ADGRB3: variants seen among roughly 807,000 people sequenced by gnomAD.
ADGRB3 encodes the protein brain-specific angiogenesis inhibitor 3.
A neutral mutation model predicts 193.4 loss-of-function variants in ADGRB3; 37 were observed. That is an observed-to-expected ratio of 0.19 (90% CI 0.15 to 0.25). The LOEUF is 0.25. Ranked by LOEUF, ADGRB3 falls within the 10% of genes least tolerant of loss-of-function variation. The pLI, the probability that ADGRB3 is intolerant of heterozygous loss-of-function variation, is 1.00. For synonymous variants in ADGRB3, 690 were observed against 644.2 expected, an observed-to-expected ratio of 1.07 and a Z score of -1.08; for missense variants, 1,637 against 1,852.9, an observed-to-expected ratio of 0.88 and a Z score of 2.14.
intron 20 of ADGRB3, among the ~76,000 whole-genome samples, chr6:69,298,535 C>G (rs935244121): frequency 2.6e-5 from 4 of 151,898 alleles, no homozygotes; most frequent in African/African-American, 9.7e-5. Flanking sequence ...TTATTACCCT[C>G]TCCGTATTAG....
intron 13 of ADGRB3, among the ~76,000 whole-genome samples, chr6:69,019,777 TC>T (rs1770207337): frequency 2.0e-5 from 3 of 151,952 alleles, no homozygotes; most frequent in Non-Finnish European, 4.4e-5. Context: ...TTGTGCCAGT[TC>T]AGTAATGGAG....
chr6:69,201,841 C>A (rs1005404365), intron 17 of ADGRB3, among the ~76,000 whole-genome samples: 1 of 152,086 alleles, frequency 6.6e-6, no homozygotes, highest in Admixed American at 6.6e-5. Context: ...CTTTCTAATC[C>A]GACCTATCAT....
At chr6:69,292,003 G>C (rs1433389340) in intron 20 of ADGRB3, among the ~76,000 whole-genome samples, 1 of 151,916 alleles carries the variant, frequency 6.6e-6, no homozygotes, top group Non-Finnish European at 1.5e-5. Flanking sequence ...GAAAAAACAA[G>C]CCTTGCCAAG....
intron 3 of ADGRB3, among the ~76,000 whole-genome samples, chr6:68,921,420 G>A (rs998565858): frequency 3.9e-5 from 6 of 152,184 alleles, no homozygotes; most frequent in Non-Finnish European, 8.8e-5. Flanking sequence ...GATGTTGTAT[G>A]TTGATAGAAA....
At chr6:69,100,600 A>C (rs999338812) in intron 17 of ADGRB3, among the ~76,000 whole-genome samples, 2 of 152,070 alleles carry the variant, frequency 1.3e-5, no homozygotes, top group African/African-American at 4.8e-5. Context: ...AAGAAGACCT[A>C]ACCTTGGTCA....
At chr6:69,287,355 T>C (rs1426913088) in intron 20 of ADGRB3, among the ~76,000 whole-genome samples, 1 of 152,092 alleles carries the variant, frequency 6.6e-6, no homozygotes, top group East Asian at 1.9e-4. Context: ...GAGAGGACAG[T>C]AGGAAAACTC....
Position 69,117,141 on chromosome 6 carries a change from A to G in ADGRB3, c.2480+41103A>G, listed in dbSNP as rs961136650. Among the ~76,000 whole-genome samples the G allele has an allele frequency of 2.6e-5, 4 of 152,264 alleles. No individual in the cohort carries two copies. The South Asian group carries it at 8.3e-4, about 31-fold the overall frequency. On this transcript the variant is annotated intron_variant, in intron 17 of 31. Transcript: ENST00000370598. Reference sequence around the variant, plus strand: ...ATCCATGTTGATGTATATTTTTACAATCTTAAATTTAGAATAGATGTTAAT... The same window carrying G: ...ATCCATGTTGATGTATATTTTTACAGTCTTAAATTTAGAATAGATGTTAAT...
intron 3 of ADGRB3, among the ~76,000 whole-genome samples, chr6:68,796,351 T>TATA (rs763409619): frequency 2.0e-5 from 3 of 152,136 alleles, no homozygotes; most frequent in Non-Finnish European, 4.4e-5. Context: ...CTTGTATTAA[T>TATA]ATATTATATG....
intron 17 of ADGRB3, among the ~76,000 whole-genome samples, chr6:69,128,883 T>C (rs1281312338): frequency 6.6e-6 from 1 of 152,186 alleles, no homozygotes; most frequent in Non-Finnish European, 1.5e-5. Context: ...ATATATTGAA[T>C]GTCTTCTCAC....
intron 17 of ADGRB3, among the ~76,000 whole-genome samples, chr6:69,205,864 CT>C (rs1765526189): frequency 6.6e-6 from 1 of 151,256 alleles, no homozygotes; most frequent in Non-Finnish European, 1.5e-5. Flanking sequence ...TAGCTCATTG[CT>C]GCCTCAAATT....
chr6:68,644,152 TA>T (rs980727298), intron 3 of ADGRB3, among the ~76,000 whole-genome samples: 7 of 150,702 alleles, frequency 4.6e-5, no homozygotes, highest in African/African-American at 9.7e-5. Context: ...TAGGTTACAG[TA>T]AAAAAAAACA....
At position 69,018,626 on chromosome 6, in the gene ADGRB3, C is replaced by G. The variant is rs1770166575; in HGVS notation, c.2107+127C>G. The G allele has an allele frequency of 1.3e-5, 8 of 605,730 alleles. No individual in the cohort carries two copies. The East Asian group carries it at 2.2e-4, about 17-fold the overall frequency. 37.5% of individuals were successfully genotyped at this position (605,730 alleles called of 1,614,324 possible). ...TAACTGCATGTGAGCAAATATATTT[C>G]TAATACTTGGTATCTGACTTTTAGA... On this transcript the variant is annotated intron_variant, in intron 13 of 31. Transcript: ENST00000370598.
At chr6:68,695,317 C>A (rs1419989884) in intron 3 of ADGRB3, among the ~76,000 whole-genome samples, 1 of 151,858 alleles carries the variant, frequency 6.6e-6, no homozygotes, top group Non-Finnish European at 1.5e-5. Flanking sequence ...TATAGCATGC[C>A]AAAATTGAAT....
At chr6:68,717,330 C>T (rs1444981227) in intron 3 of ADGRB3, among the ~76,000 whole-genome samples, 2 of 151,618 alleles carry the variant, frequency 1.3e-5, no homozygotes, top group African/African-American at 4.8e-5. Context: ...ATGCTAATGT[C>T]CCCAATTCAA....
intron 3 of ADGRB3, among the ~76,000 whole-genome samples, chr6:68,859,629 C>T (rs1765094637): frequency 1.3e-5 from 2 of 152,148 alleles, no homozygotes; most frequent in Non-Finnish European, 2.9e-5. Context: ...GGGACCTCCC[C>T]TTTATAAAAC....
intron 3 of ADGRB3, among the ~76,000 whole-genome samples, chr6:68,789,522 C>G (rs992457793): frequency 6.6e-6 from 1 of 152,224 alleles, no homozygotes; most frequent in Non-Finnish European, 1.5e-5. Flanking sequence ...GCGGAGAGAT[C>G]AGCTGTTAGT....
At chr6:68,638,512 T>C (rs751039334) in intron 2 of ADGRB3, 149 bp from the exon 3 acceptor site, 1 of 767,476 alleles carries the variant, frequency 1.3e-6, no homozygotes, top group African/African-American at 1.7e-5. Flanking sequence ...AATTTTCCTG[T>C]GTTATAAAAT....
chr6:68,811,799 A>G (rs995138215), intron 3 of ADGRB3, among the ~76,000 whole-genome samples: 1 of 152,152 alleles, frequency 6.6e-6, no homozygotes, highest in African/African-American at 2.4e-5. Flanking sequence ...GCAAATACAG[A>G]ACATCTGAAT....
chr6:69,194,009 A>G (rs972402644), intron 17 of ADGRB3, among the ~76,000 whole-genome samples: 3 of 151,986 alleles, frequency 2.0e-5, no homozygotes, highest in Non-Finnish European at 4.4e-5. Context: ...TTTCATTTTC[A>G]TAAAGTTTTC....
Sources: allele counts gnomAD v4.1 joint callset (sites outside exome capture counted in the v4.1 genomes callset), GRCh38; gene constraint gnomAD v4.1.1; transcripts MANE v1.5; gene names NCBI Gene and HGNC (gene_info 2026-07-23, HGNC 2026-07-21).